The following ALPK2 variants were observed in gnomAD, a reference collection of about 807,000 sequenced individuals.
ALPK2 encodes alpha-protein kinase 2.
ALPK2 carries 127 observed loss-of-function variants against 163.1 expected under a neutral mutation model. The observed-to-expected ratio is 0.78, with a 90% CI of 0.67 to 0.90. The LOEUF (loss-of-function observed/expected upper bound fraction) is 0.90, where lower values mean the gene tolerates loss of function less well. ALPK2 is among the 40% of genes least tolerant of loss of function. The pLI is 0.00. For synonymous variants in ALPK2, 953 were observed against 959.1 expected (o/e 0.99, Z 0.12); for missense variants, 2,360 against 2,589.6 (o/e 0.91, Z 1.92).
intron 2 of ALPK2, among the ~76,000 whole-genome samples, chr18:58,609,002 A>G (rs996291301): frequency 6.6e-6 from 1 of 151,956 alleles, no homozygotes; most frequent in Non-Finnish European, 1.5e-5. Context: ...ACGGAACTCC[A>G]TAGAAAGAGG....
At chr18:58,577,659 A>G (rs1232935432) in intron 4 of ALPK2, among the ~76,000 whole-genome samples, 1 of 152,258 alleles carries the variant, frequency 6.6e-6, no homozygotes, top group African/African-American at 2.4e-5. Context: ...GTGAAAAGTA[A>G]AATATAAATG....
At chr18:58,492,870 C>T (rs1378834134) in intron 12 of ALPK2, among the ~76,000 whole-genome samples, 2 of 152,190 alleles carry the variant, frequency 1.3e-5, no homozygotes, top group African/African-American at 4.8e-5. Context: ...GGGGCATGTC[C>T]TGGCTGGCTC....
Position 58,521,627 on chromosome 18 carries a change from CTTTT to C in ALPK2, c.5665+2175_5665+2178del, listed in dbSNP as rs398033036. ...TTTCTTTTTCTTTCTTTCTCTCTCTCTTTTTTTTTTTTTTTTTTTGAGATGGAGT... is the reference window on the plus strand; with the variant it reads ...TTTCTTTTTCTTTCTTTCTCTCTCTCTTTTTTTTTTTTTTTGAGATGGAGT... On this transcript the variant is annotated intron_variant, in intron 8 of 12. Transcript: ENST00000361673. Among the ~76,000 whole-genome samples the C allele has an allele frequency of 7.2e-5, 4 of 55,376 alleles. No homozygotes were observed. The Admixed American group carries it at 7.6e-4, about 11-fold the overall frequency. The allele number at this position is 55,376 out of a possible 152,430, so 36.3% of individuals were successfully genotyped here.
At chr18:58,617,226 G>A (rs905651728) in intron 1 of ALPK2, among the ~76,000 whole-genome samples, 1 of 152,010 alleles carries the variant, frequency 6.6e-6, no homozygotes, top group Non-Finnish European at 1.5e-5. Context: ...TCACTATGTC[G>A]CCCAGGCTAG....
Position 58,551,907 on chromosome 18 carries a change from G to C in ALPK2, c.1963-13683C>G, listed in dbSNP as rs183475585. 2.4e-4 allele frequency among the ~76,000 whole-genome samples: 37 copies of C among 152,290 alleles called. No individual in the cohort carries two copies. In the East Asian group the frequency reaches 6.9e-3, roughly 29 times the overall value. ...AGACCAACCCATGCCTGAGTGGAAT[G>C]TTCTGCTATCTCCTTATGAAGAGGC... On this transcript the variant is annotated intron_variant, in intron 4 of 12. Coordinates refer to ENST00000361673, the MANE Select transcript of ALPK2 (RefSeq NM_052947.4).
chr18:58,504,618 T>C (rs2051452190), intron 10 of ALPK2, among the ~76,000 whole-genome samples: 1 of 152,226 alleles, frequency 6.6e-6, no homozygotes, highest in Non-Finnish European at 1.5e-5. Flanking sequence ...TTCCAGATGC[T>C]ATTCCTCAAA....
At chr18:58,522,034 C>T (rs558726020) in intron 8 of ALPK2, among the ~76,000 whole-genome samples, 3 of 152,282 alleles carry the variant, frequency 2.0e-5, no homozygotes, top group South Asian at 2.1e-4. Flanking sequence ...AGATTTCAGG[C>T]GTTCTGTTTG....
intron 3 of ALPK2, among the ~76,000 whole-genome samples, chr18:58,601,787 A>T (rs951176672): frequency 1.3e-5 from 2 of 152,140 alleles, no homozygotes; most frequent in African/African-American, 4.8e-5. Context: ...CCAGCAGAGA[A>T]CCAGCCCGCC....
intron 4 of ALPK2, among the ~76,000 whole-genome samples, chr18:58,576,116 G>A (rs1366540441): frequency 3.3e-5 from 5 of 152,218 alleles, no homozygotes; most frequent in African/African-American, 1.2e-4. Context: ...GCTCATGCCT[G>A]TAATCCCAGC....
chr18:58,537,775 CA>C lies in ALPK2; in HGVS notation c.2411del (p.Met804ArgfsTer16). The C allele has an allele frequency of 6.2e-7, 1 of 1,614,100 alleles. No individual in the cohort carries two copies. Among genetic ancestry groups the C allele is most frequent in the Non-Finnish European group, 8.5e-7 (1 of 1,179,988 alleles). On this transcript the variant is annotated frameshift_variant, in exon 5 of 13. Transcript: ENST00000361673. LOFTEE classifies it high-confidence loss of function. Reference sequence around the variant, plus strand: ...CTTGGTCACCAGCCTCAAAACACTCCATTGCACACACTGCTTCTCTGTCCCT... The same window carrying C: ...CTTGGTCACCAGCCTCAAAACACTCCTTGCACACACTGCTTCTCTGTCCCT... Reference protein sequence around the residue: ...EPRDREAVCAMECFEAGDQGT... With the variant: ...EPRDREAVCAXECFEAGDQGT...
intron 1 of ALPK2, among the ~76,000 whole-genome samples, chr18:58,614,141 G>A (rs2052151473): frequency 6.6e-6 from 1 of 152,278 alleles, no homozygotes; most frequent in Non-Finnish European, 1.5e-5. Context: ...ATGATGGGTG[G>A]AAAGAGCCGT....
chr18:58,552,804 C>A (rs1047641466), intron 4 of ALPK2, among the ~76,000 whole-genome samples: 4 of 152,134 alleles, frequency 2.6e-5, no homozygotes, highest in Admixed American at 2.6e-4. Flanking sequence ...GAAGCCTGGG[C>A]TACCGTGGTG....
chr18:58,598,668 T>G (rs79496675), intron 3 of ALPK2, among the ~76,000 whole-genome samples: 18,633 of 152,252 alleles, frequency 0.12, 1,172 homozygotes, highest in East Asian at 0.17. Flanking sequence ...CCTGATTAGT[T>G]TCAGCTCTGT....
chr18:58,484,889 ACAACTGATG>A (rs1314288230), intron 12 of ALPK2, among the ~76,000 whole-genome samples: 14 of 152,224 alleles, frequency 9.2e-5, no homozygotes, highest in Admixed American at 7.9e-4. Context: ...TATCAACATT[ACAACTGATG>A]CAACTGATGC....
Position 58,537,415 on chromosome 18 carries a change from T to G in ALPK2, c.2772A>C (p.Thr924=). The G allele has an allele frequency of 6.2e-7, 1 of 1,613,622 alleles. No homozygotes were observed. Among genetic ancestry groups the G allele is most frequent in the Non-Finnish European group, 8.5e-7 (1 of 1,179,654 alleles). The change falls in exon 5 of 13, where the codon ACA becomes ACC. Residue 924 remains threonine, a synonymous_variant. Transcript: ENST00000361673. ...TTGGCTGCTCCTGGCCAGCATGTAC[T>G]GTGGAGGCCAGTGGGTAGGTGGAAT... ...VENSTYPLAS[T]VHAGQEQPSP...
At chr18:58,496,625 GCT>G in intron 12 of ALPK2, among the ~76,000 whole-genome samples, 1 of 152,288 alleles carries the variant, frequency 6.6e-6, no homozygotes, top group South Asian at 2.1e-4. Context: ...TTGGATCGTG[GCT>G]GACACTGATG....
At chr18:58,546,535 G>T (rs1187574538) in intron 4 of ALPK2, among the ~76,000 whole-genome samples, 1 of 152,172 alleles carries the variant, frequency 6.6e-6, no homozygotes, top group Non-Finnish European at 1.5e-5. Context: ...AATCCCTACA[G>T]CCTTTTTAAC....
chr18:58,501,400 T>C (rs2051430755), intron 11 of ALPK2, among the ~76,000 whole-genome samples: 1 of 152,212 alleles, frequency 6.6e-6, no homozygotes, highest in Admixed American at 6.5e-5. Flanking sequence ...GTTTTGTGTG[T>C]GTGTGGCAGC....
At chr18:58,570,218 T>C (rs547072949) in intron 4 of ALPK2, among the ~76,000 whole-genome samples, 1 of 152,350 alleles carries the variant, frequency 6.6e-6, no homozygotes, top group Non-Finnish European at 1.5e-5. Flanking sequence ...GTCATTGTTT[T>C]AATAGTTTTT....
Sources: allele counts gnomAD v4.1 joint callset (sites outside exome capture counted in the v4.1 genomes callset), GRCh38; gene constraint gnomAD v4.1.1; transcripts MANE v1.5; gene names NCBI Gene and HGNC (gene_info 2026-07-23, HGNC 2026-07-21).